The following RBFOX1 variants were observed in gnomAD, a reference collection of about 807,000 sequenced individuals.
The protein encoded by RBFOX1 is RNA binding fox-1 homolog 1, also known as RNA binding protein fox-1 homolog 1.
RBFOX1 carries 8 observed loss-of-function variants against 57.7 expected under a neutral mutation model. The observed-to-expected ratio is 0.14, with a 90% CI of 0.08 to 0.25. The LOEUF (loss-of-function observed/expected upper bound fraction) is 0.25. RBFOX1 is among the 10% of genes least tolerant of loss of function. RBFOX1 has a pLI of 1.00. For missense variants in RBFOX1, 611 were observed against 548.5 expected (o/e 1.11, Z -1.14); for synonymous variants, 326 against 222.4 (o/e 1.47, Z -4.15).
intron 4 of RBFOX1, among the ~76,000 whole-genome samples, chr16:5,969,206 T>C (rs1246506583): frequency 2.0e-5 from 3 of 152,056 alleles, no homozygotes; most frequent in Non-Finnish European, 4.4e-5. Context: ...CTCTCTGGCA[T>C]GCTTTTGTTA....
At chr16:5,442,684 C>T (rs2068120135) in intron 1 of RBFOX1, among the ~76,000 whole-genome samples, 1 of 152,114 alleles carries the variant, frequency 6.6e-6, no homozygotes, top group Admixed American at 6.5e-5. Context: ...TTTACTGAGC[C>T]CTGCTATGTG....
intron 1 of RBFOX1, among the ~76,000 whole-genome samples, chr16:6,142,930 C>G (rs1260640943): frequency 6.6e-6 from 1 of 152,228 alleles, no homozygotes; most frequent in African/African-American, 2.4e-5. Flanking sequence ...TCTCTTCCCT[C>G]CTCTGTTACT....
chr16:6,514,664 C>T (rs778433706), intron 2 of RBFOX1, among the ~76,000 whole-genome samples: 8 of 152,046 alleles, frequency 5.3e-5, no homozygotes, highest in Non-Finnish European at 8.8e-5. Context: ...CTAACATGAC[C>T]ACAAAAATGG....
At chr16:7,366,897 T>C (rs1379710207) in intron 4 of RBFOX1, among the ~76,000 whole-genome samples, 4 of 152,192 alleles carry the variant, frequency 2.6e-5, no homozygotes, top group African/African-American at 9.6e-5. Context: ...TGTCCTTACT[T>C]TTCATCCCCC....
chr16:7,076,849 G>A (rs1277149108), intron 4 of RBFOX1, among the ~76,000 whole-genome samples: 1 of 152,172 alleles, frequency 6.6e-6, no homozygotes, highest in East Asian at 1.9e-4. Context: ...ACAGTTTCTT[G>A]TACAATTTAA....
At chr16:6,943,262 G>T (rs2078876909) in intron 3 of RBFOX1, among the ~76,000 whole-genome samples, 1 of 152,158 alleles carries the variant, frequency 6.6e-6, no homozygotes, top group African/African-American at 2.4e-5. Flanking sequence ...GACTGATCAA[G>T]GTGCAAAAAG....
At chr16:5,617,475 C>T (rs948506945) in intron 3 of RBFOX1, among the ~76,000 whole-genome samples, 41 of 152,202 alleles carry the variant, frequency 2.7e-4, no homozygotes, top group African/African-American at 9.9e-4. Context: ...TCTGTGTTCT[C>T]CAATCATCAG....
intron 4 of RBFOX1, among the ~76,000 whole-genome samples, chr16:5,923,877 C>T (rs892946623): frequency 6.6e-6 from 1 of 152,144 alleles, no homozygotes. Context: ...ACTTCCTGTC[C>T]TTTCCCTAAT....
At chr16:6,205,935 C>T (rs1316825619) in intron 1 of RBFOX1, among the ~76,000 whole-genome samples, 1 of 142,094 alleles carries the variant, frequency 7.0e-6, no homozygotes, top group Non-Finnish European at 1.5e-5. Context: ...TTTTGATAGC[C>T]AGTGCACCTG....
At chr16:5,564,797 C>G (rs1449458346) in intron 2 of RBFOX1, among the ~76,000 whole-genome samples, 2 of 152,058 alleles carry the variant, frequency 1.3e-5, no homozygotes, top group Non-Finnish European at 2.9e-5. Flanking sequence ...GAAGAACAAC[C>G]CAGTTTTCAC....
At chr16:5,376,313 GTGA>G (rs1333995352) in intron 1 of RBFOX1, among the ~76,000 whole-genome samples, 1 of 152,120 alleles carries the variant, frequency 6.6e-6, no homozygotes, top group Non-Finnish European at 1.5e-5. Context: ...ACCCTCAGTT[GTGA>G]CTGTTGTTGC....
intron 3 of RBFOX1, among the ~76,000 whole-genome samples, chr16:6,869,937 C>CT (rs1171649282): frequency 2.0e-5 from 3 of 152,158 alleles, no homozygotes; most frequent in Admixed American, 1.3e-4. Flanking sequence ...ATCTCAGCGT[C>CT]TTGGGGACTG....
At chr16:5,616,580 C>G (rs1438284532) in intron 3 of RBFOX1, among the ~76,000 whole-genome samples, 1 of 149,664 alleles carries the variant, frequency 6.7e-6, no homozygotes, top group African/African-American at 2.4e-5. Flanking sequence ...CCTCTCCCTT[C>G]TCCCTCTCCC....
At chr16:6,827,688 G>C (rs1951799927) in intron 3 of RBFOX1, among the ~76,000 whole-genome samples, 1 of 152,056 alleles carries the variant, frequency 6.6e-6, no homozygotes, top group Non-Finnish European at 1.5e-5. Context: ...ATCCTTCAGG[G>C]GCCAGCTTCT....
intron 2 of RBFOX1, among the ~76,000 whole-genome samples, chr16:5,504,599 C>T (rs999710195): frequency 4.6e-5 from 7 of 152,168 alleles, no homozygotes; most frequent in Non-Finnish European, 1.0e-4. Context: ...GGGGAGGGCC[C>T]GGTTTGGCTC....
intron 3 of RBFOX1, among the ~76,000 whole-genome samples, chr16:6,833,627 C>T (rs1222611485): frequency 1.3e-5 from 2 of 152,196 alleles, no homozygotes; most frequent in Non-Finnish European, 2.9e-5. Flanking sequence ...TGTCACAGGG[C>T]AGAGATTTTG....
intron 3 of RBFOX1, among the ~76,000 whole-genome samples, chr16:5,778,266 C>T (rs1364001319): frequency 2.0e-5 from 3 of 152,132 alleles, no homozygotes; most frequent in Non-Finnish European, 2.9e-5. Flanking sequence ...TTCCTTGGCA[C>T]CTTTGAGCTT....
rs1272011957 is a variant in RBFOX1 at position 6,807,912 on chromosome 16, G to GTATATATA, written c.-16+153263_-16+153264insATATATAT. ...TATATATTATTGTGTGTGTGTGTGT[G>GTATATATA]TGTATATATATATAGGGTATAATAT... On this transcript the variant is annotated intron_variant, in intron 3 of 15. Transcript: ENST00000550418. 4.7e-3 allele frequency among the ~76,000 whole-genome samples: 633 copies of GTATATATA among 134,666 alleles called. 4 individuals are homozygous for GTATATATA. The highest frequency in any genetic ancestry group is 0.017 in the African/African-American group (604 of 36,598). 88.3% of individuals were successfully genotyped at this position (134,666 alleles called of 152,430 possible).
chr16:7,011,410 G>T (rs2093646811), intron 3 of RBFOX1, among the ~76,000 whole-genome samples: 1 of 152,206 alleles, frequency 6.6e-6, no homozygotes. Flanking sequence ...CGGGCTGTTT[G>T]TTGCTATGTG....
Sources: gnomAD v4.1 joint callset for allele counts (sites outside exome capture counted in the v4.1 genomes callset) on GRCh38, gnomAD v4.1.1 for gene constraint, MANE v1.5 for transcripts, NCBI Gene and HGNC (gene_info 2026-07-23, HGNC 2026-07-21) for gene names.